SGCD: variants seen among roughly 807,000 people sequenced by gnomAD.
SGCD encodes delta-sarcoglycan.
A neutral mutation model predicts 36.6 loss-of-function variants in SGCD; 18 were observed. That is an observed-to-expected ratio of 0.49 (90% CI 0.34 to 0.73). The LOEUF (loss-of-function observed/expected upper bound fraction) is 0.73, where lower values mean the gene tolerates loss of function less well. Ranked by LOEUF, SGCD falls within the 30% of genes least tolerant of loss-of-function variation. SGCD has a pLI of 0.01. For missense variants in SGCD, 387 were observed against 346.7 expected, an observed-to-expected ratio of 1.12 and a Z score of -0.92; for synonymous variants, 133 against 130.6, an observed-to-expected ratio of 1.02 and a Z score of -0.12.
intron 3 of SGCD, among the ~76,000 whole-genome samples, chr5:156,127,873 A>C (rs1398981952): frequency 6.7e-6 from 1 of 149,388 alleles, no homozygotes; most frequent in Non-Finnish European, 1.5e-5. Context: ...AAAAAAAAAA[A>C]AAAAAAACCC....
intron 1 of SGCD, among the ~76,000 whole-genome samples, chr5:155,946,847 G>A (rs1178227859): frequency 1.3e-5 from 2 of 152,164 alleles, no homozygotes; most frequent in Admixed American, 6.5e-5. Flanking sequence ...CCATCACATA[G>A]GGTGATGGCA....
intron 2 of SGCD, among the ~76,000 whole-genome samples, chr5:156,118,421 C>G (rs980981452): frequency 1.3e-5 from 2 of 152,152 alleles, no homozygotes; most frequent in Non-Finnish European, 2.9e-5. Flanking sequence ...TATTTCTAGA[C>G]AGCTAAATTA....
intron 6 of SGCD, among the ~76,000 whole-genome samples, chr5:156,622,435 A>AAAAAAT (rs1344795810): frequency 7.3e-6 from 1 of 137,086 alleles, no homozygotes; most frequent in African/African-American, 2.7e-5. Context: ...TCTGTCTAAA[A>AAAAAAT]AATAATAATA....
At position 156,347,547 on chromosome 5, in the gene SGCD, A is replaced by T. The variant is rs184211859; in HGVS notation, c.192+2870A>T. Among the ~76,000 whole-genome samples, 3 of 152,252 alleles carry T rather than the reference A, an allele frequency of 2.0e-5. No homozygotes were observed. The East Asian group carries it at 5.8e-4, about 29-fold the overall frequency. On this transcript the variant is annotated intron_variant, in intron 3 of 8. Coordinates refer to ENST00000337851, the MANE Select transcript of SGCD (RefSeq NM_000337.6). ...GTGAGATGGCTGGGTGGTGGGTCCT[A>T]AAAAGCAAAATAGAATTTATTACTT...
chr5:156,709,168 T>G (rs1305598949), intron 7 of SGCD, among the ~76,000 whole-genome samples: 1 of 152,104 alleles, frequency 6.6e-6, no homozygotes, highest in Non-Finnish European at 1.5e-5. Context: ...TATGGCAGAG[T>G]GACGTTTTGG....
chr5:156,077,589 C>G (rs1561709719), intron 1 of SGCD, among the ~76,000 whole-genome samples: 1 of 152,162 alleles, frequency 6.6e-6, no homozygotes, highest in South Asian at 2.1e-4. Context: ...ACTTTTGACT[C>G]ATGGGGTATA....
At chr5:156,342,071 C>A (rs922460184) in intron 2 of SGCD, among the ~76,000 whole-genome samples, 1 of 152,148 alleles carries the variant, frequency 6.6e-6, no homozygotes, top group Non-Finnish European at 1.5e-5. Flanking sequence ...GGGCTGAGAA[C>A]CCTTAGTCAA....
chr5:156,098,214 G>GT (rs1299323911), intron 1 of SGCD, among the ~76,000 whole-genome samples: 1 of 152,154 alleles, frequency 6.6e-6, no homozygotes, highest in Non-Finnish European at 1.5e-5. Context: ...CACAGAGTCA[G>GT]TATTTCTGAA....
chr5:155,868,365 T>C (rs868727991), upstream of SGCD, among the ~76,000 whole-genome samples: 2,920 of 146,688 alleles, frequency 0.02, 100 homozygotes, highest in African/African-American at 0.068. Context: ...TTTTTCTTTT[T>C]TTTTTTTTTT....
chr5:156,552,498 T>G (rs1206954810), intron 4 of SGCD, among the ~76,000 whole-genome samples: 1 of 152,194 alleles, frequency 6.6e-6, no homozygotes, highest in Non-Finnish European at 1.5e-5. Context: ...GCAATCATGC[T>G]TATATTACTC....
chr5:156,696,277 T>A (rs1054738453), intron 7 of SGCD, among the ~76,000 whole-genome samples: 3 of 152,174 alleles, frequency 2.0e-5, no homozygotes, highest in Non-Finnish European at 4.4e-5. Flanking sequence ...TAGGAGAAGT[T>A]CCAGTTGATG....
chr5:156,190,693 A>C (rs1581158516), intron 3 of SGCD, among the ~76,000 whole-genome samples: 2 of 152,154 alleles, frequency 1.3e-5, no homozygotes, highest in East Asian at 3.8e-4. Context: ...TAAGTTGTAT[A>C]TTATATTAGA....
At chr5:156,398,326 T>C (rs949392119) in intron 3 of SGCD, among the ~76,000 whole-genome samples, 1 of 152,206 alleles carries the variant, frequency 6.6e-6, no homozygotes, top group African/African-American at 2.4e-5. Flanking sequence ...AGAGCCTCCC[T>C]CTAGGTTTGT....
chr5:156,015,213 T>C (rs1758943657), intron 1 of SGCD, among the ~76,000 whole-genome samples: 2 of 152,214 alleles, frequency 1.3e-5, no homozygotes, highest in Admixed American at 1.3e-4. Context: ...CCTCCCTTTC[T>C]TCTTTCTTAT....
chr5:156,056,172 C>T (rs1387376286), intron 1 of SGCD, among the ~76,000 whole-genome samples: 1 of 145,836 alleles, frequency 6.9e-6, no homozygotes, highest in African/African-American at 2.5e-5. Context: ...ACCTAACTGA[C>T]TCCATCTTAC....
chr5:156,592,011 G>C (rs1217079529), intron 5 of SGCD, among the ~76,000 whole-genome samples: 1 of 152,164 alleles, frequency 6.6e-6, no homozygotes, highest in African/African-American at 2.4e-5. Context: ...GCCCTGAAAA[G>C]CAAGATAGCT....
chr5:155,986,708 T>C (rs1486015126), intron 1 of SGCD, among the ~76,000 whole-genome samples: 1 of 152,220 alleles, frequency 6.6e-6, no homozygotes, highest in Non-Finnish European at 1.5e-5. Context: ...TTCATGCAAA[T>C]GGCTCCGTGC....
chr5:156,603,222 T>C (rs1296733787), intron 6 of SGCD, among the ~76,000 whole-genome samples: 1 of 152,084 alleles, frequency 6.6e-6, no homozygotes, highest in Non-Finnish European at 1.5e-5. Flanking sequence ...TCAAGTTTGT[T>C]GGTAGATAGA....
intron 3 of SGCD, among the ~76,000 whole-genome samples, chr5:156,151,133 G>C (rs1467501977): frequency 6.6e-6 from 1 of 151,702 alleles, no homozygotes; most frequent in East Asian, 1.9e-4. Context: ...GTAAAAAGAA[G>C]TGGGGTCAGA....
Sources: gnomAD v4.1 joint callset for allele counts (sites outside exome capture counted in the v4.1 genomes callset) on GRCh38, gnomAD v4.1.1 for gene constraint, MANE v1.5 for transcripts, NCBI Gene and HGNC (gene_info 2026-07-23, HGNC 2026-07-21) for gene names.